The following PLCXD3 variants were observed in gnomAD, a reference collection of about 807,000 sequenced individuals.
PLCXD3 encodes the protein phosphatidylinositol specific phospholipase C X domain containing 3, also known as PI-PLC X domain-containing protein 3.
In PLCXD3, 19 loss-of-function variants were observed where a neutral mutation model predicts 25.5. That is an observed-to-expected ratio of 0.75 (90% CI 0.52 to 1.09). The LOEUF (loss-of-function observed/expected upper bound fraction) is 1.09, where lower values mean the gene tolerates loss of function less well. Ranked by LOEUF, PLCXD3 falls within the 50% of genes least tolerant of loss-of-function variation. PLCXD3 has a pLI of 0.00. For synonymous variants in PLCXD3, 174 were observed against 137.6 expected (o/e 1.26, Z -1.85); for missense variants, 411 against 388.1 (o/e 1.06, Z -0.50).
intron 2 of PLCXD3, among the ~76,000 whole-genome samples, chr5:41,328,983 G>T (rs1743711378): frequency 6.6e-6 from 1 of 152,146 alleles, no homozygotes. Context: ...GGCCTACAGG[G>T]CCCTGAACAA....
At chr5:41,385,024 C>T (rs1745594260) in intron 1 of PLCXD3, among the ~76,000 whole-genome samples, 1 of 151,938 alleles carries the variant, frequency 6.6e-6, no homozygotes, top group Non-Finnish European at 1.5e-5. Context: ...ATAGTGTTGG[C>T]TAAAAAATGA....
intron 1 of PLCXD3, among the ~76,000 whole-genome samples, chr5:41,416,302 G>A (rs1324708729): frequency 6.6e-6 from 1 of 152,206 alleles, no homozygotes; most frequent in African/African-American, 2.4e-5. Context: ...CTGGAATAGA[G>A]GTTTCCTAAC....
At chr5:41,349,769 A>G (rs972498073) in intron 2 of PLCXD3, among the ~76,000 whole-genome samples, 1 of 152,200 alleles carries the variant, frequency 6.6e-6, no homozygotes, top group Non-Finnish European at 1.5e-5. Flanking sequence ...ACACAATTGC[A>G]TGCATCACAG....
rs991615585 is a variant in PLCXD3 at position 41,467,129 on chromosome 5, C to A, written c.103+43295G>T. On this transcript the variant is annotated intron_variant, in intron 1 of 2. Coordinates refer to ENST00000377801, the MANE Select transcript of PLCXD3 (RefSeq NM_001005473.3). The stretch of plus-strand genomic sequence containing the variant: ...GAATTTTAGCTTTTTGAGTAACCTC[C>A]ATACAATTTTCCATAATGGCTACAC... Among the ~76,000 whole-genome samples the A allele has an allele frequency of 4.6e-5, 7 of 152,244 alleles. No homozygotes were observed. In the South Asian group the frequency reaches 1.5e-3, roughly 32 times the overall value.
At chr5:41,435,021 A>C (rs368413675) in intron 1 of PLCXD3, among the ~76,000 whole-genome samples, 1 of 152,244 alleles carries the variant, frequency 6.6e-6, no homozygotes. Flanking sequence ...TTAAAATTAC[A>C]TATAGTGTCA....
At chr5:41,329,520 G>C (rs1743727940) in intron 2 of PLCXD3, among the ~76,000 whole-genome samples, 1 of 152,164 alleles carries the variant, frequency 6.6e-6, no homozygotes, top group Admixed American at 6.5e-5. Flanking sequence ...ATGCTACTCA[G>C]TATTCCTCAT....
At chr5:41,448,718 A>G (rs1747561550) in intron 1 of PLCXD3, among the ~76,000 whole-genome samples, 1 of 152,160 alleles carries the variant, frequency 6.6e-6, no homozygotes, top group African/African-American at 2.4e-5. Context: ...ACAAAATCTA[A>G]TGTATGCCTT....
intron 2 of PLCXD3, among the ~76,000 whole-genome samples, chr5:41,370,197 A>G (rs1369406080): frequency 6.6e-6 from 1 of 152,228 alleles, no homozygotes; most frequent in African/African-American, 2.4e-5. Context: ...GTCTCTAGCC[A>G]TTCTTGTCTA....
chr5:41,342,539 C>T (rs1272536297), intron 2 of PLCXD3, among the ~76,000 whole-genome samples: 1 of 152,124 alleles, frequency 6.6e-6, no homozygotes, highest in Non-Finnish European at 1.5e-5. Flanking sequence ...CAAATGATAT[C>T]TTCTTGGACA....
intron 1 of PLCXD3, among the ~76,000 whole-genome samples, chr5:41,388,557 A>G (rs967788015): frequency 7.2e-5 from 11 of 152,156 alleles, no homozygotes; most frequent in African/African-American, 2.4e-4. Context: ...CTGGTTAAGT[A>G]GACTTTAGAC....
At chr5:41,411,808 A>G (rs1054637066) in intron 1 of PLCXD3, among the ~76,000 whole-genome samples, 1 of 148,968 alleles carries the variant, frequency 6.7e-6, no homozygotes, top group Non-Finnish European at 1.5e-5. Context: ...TTGATCATGG[A>G]TATATATATG....
intron 2 of PLCXD3, among the ~76,000 whole-genome samples, chr5:41,340,331 T>C (rs963992785): frequency 1.3e-5 from 2 of 152,170 alleles, no homozygotes; most frequent in African/African-American, 4.8e-5. Context: ...TACTGAAATA[T>C]CAAAATTATC....
intron 1 of PLCXD3, among the ~76,000 whole-genome samples, chr5:41,490,909 A>C (rs969734075): frequency 7.9e-5 from 12 of 151,850 alleles, no homozygotes; most frequent in Non-Finnish European, 1.5e-5. Flanking sequence ...TAATTTTTTG[A>C]AGGGTTTTTT....
At chr5:41,493,925 C>T (rs1748769119) in intron 1 of PLCXD3, among the ~76,000 whole-genome samples, 1 of 152,222 alleles carries the variant, frequency 6.6e-6, no homozygotes, top group South Asian at 2.1e-4. Context: ...TCGGCTCGCG[C>T]ACAGTGCGCT....
chr5:41,366,589 T>C (rs1179311568), intron 2 of PLCXD3, among the ~76,000 whole-genome samples: 1 of 152,200 alleles, frequency 6.6e-6, no homozygotes, highest in Non-Finnish European at 1.5e-5. Context: ...ACACACAACA[T>C]GCATCCACAC....
chr5:41,316,115 G>C (rs1041200415), intron 2 of PLCXD3, among the ~76,000 whole-genome samples: 1 of 152,152 alleles, frequency 6.6e-6, no homozygotes, highest in East Asian at 1.9e-4. Flanking sequence ...TTCCACTTGG[G>C]AGAAGAGGGG....
chr5:41,336,689 G>A (rs1247119681), intron 2 of PLCXD3, among the ~76,000 whole-genome samples: 1 of 152,088 alleles, frequency 6.6e-6, no homozygotes, highest in Non-Finnish European at 1.5e-5. Flanking sequence ...CTCACTCAAT[G>A]CCACACATGC....
At position 41,310,311 on chromosome 5, in the gene PLCXD3, T is replaced by C. The variant is rs1360525794; in HGVS notation, c.*3306A>G. On this transcript the variant is annotated 3_prime_UTR_variant, in exon 3 of 3. Transcript: ENST00000377801. ...AAATCAAACTTAAAAATGATCTCTTTGCATATTTTCTCTCATTCCACCCAC... is the reference window on the plus strand; with the variant it reads ...AAATCAAACTTAAAAATGATCTCTTCGCATATTTTCTCTCATTCCACCCAC... 6.6e-6 allele frequency: 1 copy of C among 152,180 alleles called. No individual in the cohort carries two copies. The highest frequency in any genetic ancestry group is 1.5e-5 in the Non-Finnish European group (1 of 68,024). The allele number at this position is 152,180 out of a possible 1,614,324, so 9.4% of individuals were successfully genotyped here.
chr5:41,400,950 T>G (rs1485003722), intron 1 of PLCXD3, among the ~76,000 whole-genome samples: 1 of 152,050 alleles, frequency 6.6e-6, no homozygotes, highest in Non-Finnish European at 1.5e-5. Context: ...AAACATCTCA[T>G]GTACCCCATA....
Sources: gnomAD v4.1 joint callset for allele counts (sites outside exome capture counted in the v4.1 genomes callset) on GRCh38, gnomAD v4.1.1 for gene constraint, MANE v1.5 for transcripts, NCBI Gene and HGNC (gene_info 2026-07-23, HGNC 2026-07-21) for gene names.